The following ABCB4 variants were observed in gnomAD, a reference collection of about 807,000 sequenced individuals.
ABCB4 encodes phosphatidylcholine translocator ABCB4.
A neutral mutation model predicts 145.7 loss-of-function variants in ABCB4; 76 were observed. That is an observed-to-expected ratio of 0.52 (90% CI 0.43 to 0.63). ABCB4 has a LOEUF of 0.63. ABCB4 is among the 30% of genes least tolerant of loss of function. The probability of loss-of-function intolerance (pLI) is 0.00; values close to 1 mark genes in which losing one functional copy is unlikely to be tolerated. For missense variants in ABCB4, 1,234 were observed against 1,553.1 expected (o/e 0.79, Z 3.45); for synonymous variants, 517 against 566.8 (o/e 0.91, Z 1.25).
chr7:87,449,246 C>T (rs1811544099), intron 8 of ABCB4, among the ~76,000 whole-genome samples: 1 of 151,976 alleles, frequency 6.6e-6, no homozygotes, highest in African/African-American at 2.4e-5. Context: ...ACCCACAAGG[C>T]CCTACAAAGA....
intron 15 of ABCB4, among the ~76,000 whole-genome samples, chr7:87,427,422 C>T (rs141253771): frequency 2.0e-5 from 3 of 152,266 alleles, no homozygotes; most frequent in East Asian, 1.9e-4. Flanking sequence ...ATGCACACAA[C>T]GAGACCCAAC....
chr7:87,393,698 G>A, the ABCB4 span, among the ~76,000 whole-genome samples: 2 of 152,092 alleles, frequency 1.3e-5, no homozygotes, highest in South Asian at 2.1e-4. Context: ...TAAAAATTAC[G>A]TGACTACATT....
intron 19 of ABCB4, 123 bp downstream of exon 19, chr7:87,419,875 C>G (rs529778683): frequency 9.8e-7 from 1 of 1,023,838 alleles, no homozygotes; most frequent in African/African-American, 1.6e-5. Flanking sequence ...GGACTCTGCC[C>G]CATCCTTGCG....
chr7:87,372,755 G>A, the ABCB4 span, among the ~76,000 whole-genome samples: 1 of 151,970 alleles, frequency 6.6e-6, no homozygotes, highest in African/African-American at 2.4e-5. Context: ...TGTTTTCAAG[G>A]TTCATCCGTG....
chr7:87,440,385 C>G lies in ABCB4; in HGVS notation c.1374G>C (p.Gln458His). 6.2e-7 allele frequency: 1 copy of G among 1,613,984 alleles called. No homozygotes were observed. Among genetic ancestry groups the G allele is most frequent in the Non-Finnish European group, 8.5e-7 (1 of 1,179,914 alleles). ...PDEGTINIDG[Q>H]DIRNFNVNYL... ...AGTTTACATTAAAGTTCCTAATATC[C>G]TGCCCATCAATGTTAATCTGAAAGA... Residue 458 changes from glutamine to histidine, a missense_variant, in exon 13 of 28, where the codon CAG (glutamine) becomes CAC (histidine). By Grantham distance (24) the Gln-to-His change is conservative. Around this residue, in one of 7 missense-constraint regions of ABCB4, gnomAD observed 467 missense variants for 632.8 expected, o/e 0.74. Transcript: ENST00000649586.
At chr7:87,370,425 C>G in the ABCB4 span, among the ~76,000 whole-genome samples, 1 of 152,120 alleles carries the variant, frequency 6.6e-6, no homozygotes, top group African/African-American at 2.4e-5. Context: ...TTAAATAATC[C>G]GCCTGCCTTG....
the ABCB4 span, chr7:87,369,361 T>C: frequency 6.4e-7 from 1 of 1,572,230 alleles, no homozygotes; most frequent in South Asian, 1.2e-5. Context: ...TTGTGTTTTC[T>C]GTTTCTGTTT....
chr7:87,371,617 C>T, the ABCB4 span, among the ~76,000 whole-genome samples: 1 of 152,168 alleles, frequency 6.6e-6, no homozygotes, highest in Non-Finnish European at 1.5e-5. Flanking sequence ...TCCACAGTGG[C>T]ATTGTTTTTT....
At chr7:87,470,497 T>G (rs1563007103) in intron 3 of ABCB4, among the ~76,000 whole-genome samples, 1 of 152,050 alleles carries the variant, frequency 6.6e-6, no homozygotes, top group African/African-American at 2.4e-5. Flanking sequence ...GTATCCAGAA[T>G]CTACAAAGAA....
At chr7:87,398,569 T>C, downstream of ABCB4, 1 of 1,613,896 alleles carries the variant, frequency 6.2e-7, no homozygotes, top group Non-Finnish European at 8.5e-7. Context: ...CCGAGACTGA[T>C]GCGGAAAAGC....
At chr7:87,426,237 G>T (rs1809794148) in intron 16 of ABCB4, among the ~76,000 whole-genome samples, 1 of 152,160 alleles carries the variant, frequency 6.6e-6, no homozygotes, top group Non-Finnish European at 1.5e-5. Context: ...TGATGCCAGG[G>T]TAGTGCAGAT....
chr7:87,366,518 A>G, the ABCB4 span, among the ~76,000 whole-genome samples: 1 of 152,200 alleles, frequency 6.6e-6, no homozygotes, highest in Non-Finnish European at 1.5e-5. Flanking sequence ...TCAATTGTAG[A>G]CGATCCATAG....
At chr7:87,394,732 C>T in the ABCB4 span, among the ~76,000 whole-genome samples, 5 of 152,010 alleles carry the variant, frequency 3.3e-5, no homozygotes, top group Admixed American at 1.3e-4. Flanking sequence ...TACCTATAGA[C>T]TCTACTATGA....
Position 87,447,273 on chromosome 7 carries a change from G to T in ABCB4, c.834-68C>A. 4 of 1,480,170 alleles carry T rather than the reference G, an allele frequency of 2.7e-6. No individual in the cohort carries two copies. The South Asian group carries it at 4.7e-5, about 17-fold the overall frequency. 91.7% of individuals were successfully genotyped at this position (1,480,170 alleles called of 1,614,324 possible). Reference sequence around the variant, plus strand: ...CAATCCATAGTCCGAGTCACACTCGGCTCCTATATAGTTGGAGGTTTAAGT... The same window carrying T: ...CAATCCATAGTCCGAGTCACACTCGTCTCCTATATAGTTGGAGGTTTAAGT... On this transcript the variant is annotated intron_variant, in intron 8 of 27. Coordinates refer to ENST00000649586, the MANE Select transcript of ABCB4 (RefSeq NM_000443.4).
chr7:87,453,910 A>G (rs1013925429), intron 5 of ABCB4, among the ~76,000 whole-genome samples: 2 of 150,948 alleles, frequency 1.3e-5, no homozygotes, highest in African/African-American at 4.8e-5. Flanking sequence ...GAACCAAAAA[A>G]CTTTGTTCCT....
intron 4 of ABCB4, among the ~76,000 whole-genome samples, chr7:87,460,015 A>T (rs531741906): frequency 3.0e-4 from 45 of 150,690 alleles, no homozygotes; most frequent in African/African-American, 1.0e-3. Flanking sequence ...AGTTTCTTTG[A>T]TTTTTTTTTT....
the ABCB4 span, among the ~76,000 whole-genome samples, chr7:87,378,279 G>C: frequency 6.6e-6 from 1 of 151,456 alleles, no homozygotes; most frequent in African/African-American, 2.4e-5. Flanking sequence ...CTGGGAGGTT[G>C]AGGGTGCAGT....
At chr7:87,384,510 C>T in the ABCB4 span, among the ~76,000 whole-genome samples, 4 of 152,116 alleles carry the variant, frequency 2.6e-5, no homozygotes, top group South Asian at 2.1e-4. Context: ...CCAGCCTGGG[C>T]GACAGAGCAA....
the ABCB4 span, chr7:87,381,805 A>G: frequency 1.4e-6 from 1 of 713,440 alleles, no homozygotes; most frequent in Non-Finnish European, 2.3e-6. Flanking sequence ...TGAAGACTCT[A>G]TGCTTTATTA....
Sources: gnomAD v4.1 joint callset for allele counts (sites outside exome capture counted in the v4.1 genomes callset) on GRCh38, gnomAD v4.1.1 for gene constraint, gnomAD v4.1.1 regional missense constraint, MANE v1.5 for transcripts, NCBI Gene and HGNC (gene_info 2026-07-23, HGNC 2026-07-21) for gene names.